The following DYM variants were observed in gnomAD, a reference collection of about 807,000 sequenced individuals.
DYM encodes dymeclin, also known as dyggve-Melchior-Clausen syndrome protein.
DYM carries 78 observed loss-of-function variants against 93.1 expected under a neutral mutation model. That is an observed-to-expected ratio of 0.84 (90% CI 0.70 to 1.01). DYM has a LOEUF of 1.01. DYM is among the 50% of genes least tolerant of loss of function. The pLI is 0.00. For synonymous variants in DYM, 321 were observed against 319.7 expected, an observed-to-expected ratio of 1.00 and a Z score of -0.04; for missense variants, 789 against 845.0, an observed-to-expected ratio of 0.93 and a Z score of 0.82.
chr18:49,265,339 C>T (rs2094552639), intron 11 of DYM, among the ~76,000 whole-genome samples: 1 of 152,162 alleles, frequency 6.6e-6, no homozygotes, highest in African/African-American at 2.4e-5. Context: ...TGAAAATCCC[C>T]AAATCTAGAG....
At chr18:49,432,329 CAAAAAA>C (rs11429840) in intron 1 of DYM, among the ~76,000 whole-genome samples, 2 of 75,828 alleles carry the variant, frequency 2.6e-5, no homozygotes, top group African/African-American at 4.4e-5. Context: ...AAGACTGTCT[CAAAAAA>C]AAAAAAAAAA....
chr18:49,292,613 A>C (rs1227128907), intron 8 of DYM, among the ~76,000 whole-genome samples: 3 of 139,076 alleles, frequency 2.2e-5, no homozygotes, highest in Non-Finnish European at 3.1e-5. Context: ...AAAAAAAAAA[A>C]AAAAAAAAAA....
intron 14 of DYM, among the ~76,000 whole-genome samples, chr18:49,179,438 C>T (rs1379176275): frequency 1.3e-5 from 2 of 152,104 alleles, no homozygotes; most frequent in African/African-American, 2.4e-5. Context: ...CTTAAAATGT[C>T]ACCTAATGTG....
chr18:49,061,560 G>A (rs953253507), intron 17 of DYM, among the ~76,000 whole-genome samples: 1 of 152,234 alleles, frequency 6.6e-6, no homozygotes, highest in Non-Finnish European at 1.5e-5. Context: ...GTGCTCTTGG[G>A]AGACTACTTG....
chr18:49,108,444 A>G (rs2081077468), intron 16 of DYM, among the ~76,000 whole-genome samples: 1 of 152,192 alleles, frequency 6.6e-6, no homozygotes, highest in Admixed American at 6.5e-5. Flanking sequence ...CCCCAATGAG[A>G]TGAACCCGGT....
chr18:49,182,470 T>C (rs1010058870), intron 14 of DYM, among the ~76,000 whole-genome samples: 3 of 152,200 alleles, frequency 2.0e-5, no homozygotes, highest in African/African-American at 7.2e-5. Flanking sequence ...TGTTATAAAG[T>C]ACACATTTAG....
At chr18:49,090,426 A>T (rs925730667) in intron 17 of DYM, among the ~76,000 whole-genome samples, 7 of 152,254 alleles carry the variant, frequency 4.6e-5, no homozygotes, top group Non-Finnish European at 7.3e-5. Context: ...AAAAGTCTAA[A>T]GTGATAAAAA....
chr18:49,108,587 G>C (rs2145802427), intron 16 of DYM, among the ~76,000 whole-genome samples: 1 of 152,282 alleles, frequency 6.6e-6, no homozygotes, highest in East Asian at 1.9e-4. Flanking sequence ...TTTCACTGTG[G>C]TCAAAGAATA....
chr18:49,378,092 T>C (rs2067685091), intron 5 of DYM, among the ~76,000 whole-genome samples: 1 of 152,182 alleles, frequency 6.6e-6, no homozygotes, highest in Admixed American at 6.5e-5. Context: ...TCCTTGAAAA[T>C]GTTACTTCTG....
intron 2 of DYM, among the ~76,000 whole-genome samples, chr18:49,429,450 ATATTC>A (rs1202970299): frequency 1.3e-5 from 2 of 152,220 alleles, no homozygotes; most frequent in African/African-American, 4.8e-5. Context: ...TGGGAATTCA[ATATTC>A]TATTCATTCT....
In DYM at chr18:49,340,616, A is replaced by G. The variant is rs372522426; in HGVS notation, c.495-6763T>C. ...GTGACACATAGCCAAATTCAACCCTATGTCTGATGAGTCTAAAACCAGGGC... is the reference window on the plus strand; with the variant it reads ...GTGACACATAGCCAAATTCAACCCTGTGTCTGATGAGTCTAAAACCAGGGC... On this transcript the variant is annotated intron_variant, in intron 6 of 17. Transcript: ENST00000675505. 2.0e-5 allele frequency among the ~76,000 whole-genome samples: 3 copies of G among 152,194 alleles called. No individual in the cohort carries two copies. The East Asian group carries it at 5.8e-4, about 29-fold the overall frequency.
intron 5 of DYM, among the ~76,000 whole-genome samples, chr18:49,371,526 T>C (rs912379223): frequency 6.6e-6 from 1 of 152,088 alleles, no homozygotes; most frequent in African/African-American, 2.4e-5. Context: ...AAACAAGCCA[T>C]GAGAAGCGTT....
At chr18:49,421,342 T>C (rs1423850920) in intron 2 of DYM, among the ~76,000 whole-genome samples, 1 of 152,152 alleles carries the variant, frequency 6.6e-6, no homozygotes, top group Admixed American at 6.5e-5. Flanking sequence ...TGTTCTGCAA[T>C]ATTTACGGTT....
intron 11 of DYM, among the ~76,000 whole-genome samples, chr18:49,264,720 A>G (rs2094542972): frequency 6.6e-6 from 1 of 152,232 alleles, no homozygotes; most frequent in South Asian, 2.1e-4. Context: ...AGGGCTAGGA[A>G]AGAGAAAGAA....
intron 14 of DYM, among the ~76,000 whole-genome samples, chr18:49,171,406 A>C (rs2145260739): frequency 6.6e-6 from 1 of 152,234 alleles, no homozygotes; most frequent in African/African-American, 2.4e-5. Flanking sequence ...GTCATAGGGG[A>C]AAAGAGAAGT....
At chr18:49,224,255 G>A (rs1169521753) in intron 13 of DYM, among the ~76,000 whole-genome samples, 2 of 152,040 alleles carry the variant, frequency 1.3e-5, no homozygotes, top group Non-Finnish European at 2.9e-5. Flanking sequence ...GAAAGGGCAA[G>A]ATTTCCATTT....
intron 17 of DYM, among the ~76,000 whole-genome samples, chr18:49,074,675 T>A (rs2077161277): frequency 6.6e-6 from 1 of 152,194 alleles, no homozygotes; most frequent in South Asian, 2.1e-4. Context: ...TAGAGGATAC[T>A]CATCTGTGCT....
At chr18:49,415,685 T>C (rs888535803) in intron 2 of DYM, among the ~76,000 whole-genome samples, 1 of 152,020 alleles carries the variant, frequency 6.6e-6, no homozygotes, top group African/African-American at 2.4e-5. Flanking sequence ...CCCAGCACTT[T>C]TGGAGGCTGA....
At chr18:49,229,075 A>AAAC (rs10625616) in intron 13 of DYM, among the ~76,000 whole-genome samples, 152,050 of 152,134 alleles carry the variant, frequency 1, 75,984 homozygotes, top group Middle Eastern at 1. Context: ...TTAAACACGA[A>AAAC]AACAAGACAT....
Sources: gnomAD v4.1 joint callset for allele counts (sites outside exome capture counted in the v4.1 genomes callset) on GRCh38, gnomAD v4.1.1 for gene constraint, MANE v1.5 for transcripts, NCBI Gene and HGNC (gene_info 2026-07-23, HGNC 2026-07-21) for gene names.